PDSS2: variants seen among roughly 807,000 people sequenced by gnomAD.
The protein encoded by PDSS2 is all trans-polyprenyl-diphosphate synthase PDSS2.
PDSS2 carries 31 observed loss-of-function variants against 44.5 expected under a neutral mutation model. The observed-to-expected ratio is 0.70, with a 90% CI of 0.52 to 0.94. The LOEUF (loss-of-function observed/expected upper bound fraction) is 0.94. PDSS2 is among the 40% of genes least tolerant of loss of function. The pLI is 0.00. For missense variants in PDSS2, 452 were observed against 482.2 expected (o/e 0.94, Z 0.59); for synonymous variants, 157 against 180.3 (o/e 0.87, Z 1.03).
rs1415723172 is a variant in PDSS2 at position 107,240,433 on chromosome 6, A to C, written c.702+5115T>G. Among the ~76,000 whole-genome samples the C allele has an allele frequency of 3.7e-5, 5 of 135,002 alleles. No homozygotes were observed. The East Asian group carries it at 8.6e-4, about 23-fold the overall frequency. 88.6% of individuals were successfully genotyped at this position (135,002 alleles called of 152,430 possible). On this transcript the variant is annotated intron_variant, in intron 4 of 7. Transcript: ENST00000369037. ...TTTTTTTTTTTGAAACTGCAGTCTC[A>C]CTCTGTCCAGGCTGGAGTGCAGTGG...
chr6:107,458,266 A>G (rs1268005054), intron 1 of PDSS2, among the ~76,000 whole-genome samples: 1 of 151,770 alleles, frequency 6.6e-6, no homozygotes, highest in East Asian at 1.9e-4. Context: ...CGGGTGGATC[A>G]CGAGGTCAGG....
chr6:107,308,546 T>TG (rs1428052079), intron 2 of PDSS2, among the ~76,000 whole-genome samples: 2 of 152,160 alleles, frequency 1.3e-5, no homozygotes, highest in African/African-American at 4.8e-5. Context: ...ATATAGTACA[T>TG]AAGTGTAAAC....
At chr6:107,397,122 T>C (rs1461746678) in intron 1 of PDSS2, among the ~76,000 whole-genome samples, 1 of 152,118 alleles carries the variant, frequency 6.6e-6, no homozygotes, top group Admixed American at 6.5e-5. Context: ...TGTGTAGGCA[T>C]CTTCCTCTAG....
At chr6:107,224,701 C>T (rs1340755440) in intron 4 of PDSS2, among the ~76,000 whole-genome samples, 2 of 151,304 alleles carry the variant, frequency 1.3e-5, no homozygotes, top group African/African-American at 2.5e-5. Context: ...AATGAATTTA[C>T]TCCCTAAGAT....
At chr6:107,273,814 A>G (rs190778537) in intron 3 of PDSS2, among the ~76,000 whole-genome samples, 101 of 152,278 alleles carry the variant, frequency 6.6e-4, no homozygotes, top group Non-Finnish European at 7.9e-4. Context: ...TTTCATCCAT[A>G]ATCAGAAAAA....
chr6:107,398,485 T>C (rs1467598663), intron 1 of PDSS2, among the ~76,000 whole-genome samples: 2 of 152,208 alleles, frequency 1.3e-5, no homozygotes, highest in Admixed American at 1.3e-4. Flanking sequence ...TCAACAGATA[T>C]AAGCCACAAA....
chr6:107,408,126 C>G (rs1367714776), intron 1 of PDSS2, among the ~76,000 whole-genome samples: 2 of 151,944 alleles, frequency 1.3e-5, no homozygotes, highest in African/African-American at 2.4e-5. Context: ...CTCCTGGGTT[C>G]AAATGATTCT....
Position 107,376,369 on chromosome 6 carries a change from C to T in PDSS2, c.297-42037G>A, listed in dbSNP as rs1158887511. On this transcript the variant is annotated intron_variant, in intron 1 of 7. Transcript: ENST00000369037. ...ACCTTGGGCAGTATGGCCATTTTCA[C>T]GATATTGATTCTTCCTACCCATGAG... Among the ~76,000 whole-genome samples, 15 of 151,930 alleles carry T rather than the reference C, an allele frequency of 9.9e-5. No individual in the cohort carries two copies. The South Asian group carries it at 1.9e-3, about 19-fold the overall frequency.
chr6:107,167,312 A>G (rs1771387934), intron 7 of PDSS2, among the ~76,000 whole-genome samples: 1 of 152,092 alleles, frequency 6.6e-6, no homozygotes, highest in African/African-American at 2.4e-5. Flanking sequence ...TTTCTGTGGG[A>G]TCAGTGGTGA....
intron 4 of PDSS2, among the ~76,000 whole-genome samples, chr6:107,220,935 T>C (rs1355263908): frequency 6.6e-6 from 1 of 152,128 alleles, no homozygotes; most frequent in Non-Finnish European, 1.5e-5. Flanking sequence ...TAGTATAAAT[T>C]GTAAAATGCC....
At chr6:107,429,753 G>A (rs1259868829) in intron 1 of PDSS2, among the ~76,000 whole-genome samples, 2 of 150,990 alleles carry the variant, frequency 1.3e-5, no homozygotes, top group African/African-American at 4.9e-5. Context: ...GCGTGGTGGT[G>A]CATGCCTGTA....
At chr6:107,350,280 G>A (rs1404506002) in intron 1 of PDSS2, among the ~76,000 whole-genome samples, 1 of 152,162 alleles carries the variant, frequency 6.6e-6, no homozygotes, top group African/African-American at 2.4e-5. Flanking sequence ...GAGGTACTTT[G>A]AAACTATATA....
At chr6:107,400,193 C>A (rs932687435) in intron 1 of PDSS2, among the ~76,000 whole-genome samples, 4 of 152,082 alleles carry the variant, frequency 2.6e-5, no homozygotes, top group African/African-American at 4.8e-5. Flanking sequence ...GAAGGAGCAG[C>A]AGAGGGAAGT....
intron 2 of PDSS2, among the ~76,000 whole-genome samples, chr6:107,293,581 A>T (rs550827523): frequency 9.9e-5 from 15 of 152,124 alleles, no homozygotes; most frequent in Admixed American, 8.5e-4. Context: ...TAAAGAACTG[A>T]TTACAAAGAG....
chr6:107,338,371 A>G (rs1418081742), intron 1 of PDSS2, among the ~76,000 whole-genome samples: 1 of 152,212 alleles, frequency 6.6e-6, no homozygotes, highest in South Asian at 2.1e-4. Flanking sequence ...GCTAGCTTAG[A>G]AAATGGTAAG....
intron 2 of PDSS2, among the ~76,000 whole-genome samples, chr6:107,276,892 G>A (rs971719742): frequency 6.6e-6 from 1 of 152,184 alleles, no homozygotes; most frequent in African/African-American, 2.4e-5. Context: ...AGGTCCAGCT[G>A]TCCCAGTCAA....
At chr6:107,424,126 T>C (rs1780916510) in intron 1 of PDSS2, among the ~76,000 whole-genome samples, 1 of 148,028 alleles carries the variant, frequency 6.8e-6, no homozygotes, top group Admixed American at 7.0e-5. Flanking sequence ...ACTGCAGCCT[T>C]GACCTCCTGG....
chr6:107,336,438 A>G (rs555262629), intron 1 of PDSS2, among the ~76,000 whole-genome samples: 1 of 152,262 alleles, frequency 6.6e-6, no homozygotes, highest in African/African-American at 2.4e-5. Context: ...GGCAATCTTC[A>G]TCAAGATAAA....
At chr6:107,362,495 T>C (rs1378145315) in intron 1 of PDSS2, among the ~76,000 whole-genome samples, 1 of 152,144 alleles carries the variant, frequency 6.6e-6, no homozygotes, top group East Asian at 1.9e-4. Flanking sequence ...AACTGCACAT[T>C]GTGAAGGATA....
Sources: allele counts gnomAD v4.1 joint callset (sites outside exome capture counted in the v4.1 genomes callset), GRCh38; gene constraint gnomAD v4.1.1; transcripts MANE v1.5; gene names NCBI Gene and HGNC (gene_info 2026-07-23, HGNC 2026-07-21).